Variants in ROR1 observed in about 807,000 individuals in gnomAD.
ROR1 encodes the protein inactive tyrosine-protein kinase transmembrane receptor ROR1.
A neutral mutation model predicts 78.8 loss-of-function variants in ROR1; 19 were observed. That is an observed-to-expected ratio of 0.24 (90% CI 0.17 to 0.35). ROR1 has a LOEUF of 0.35. Ranked by LOEUF, ROR1 falls within the 10% of genes least tolerant of loss-of-function variation. ROR1 has a pLI of 1.00. For synonymous variants in ROR1, 386 were observed against 433.6 expected (o/e 0.89, Z 1.36); for missense variants, 917 against 1,177.8 (o/e 0.78, Z 3.24).
intron 1 of ROR1, among the ~76,000 whole-genome samples, chr1:63,816,811 G>C (rs988349534): frequency 1.1e-4 from 16 of 152,132 alleles, no homozygotes; most frequent in South Asian, 2.1e-4. Flanking sequence ...TGTTTTATGG[G>C]CTTTTTGTAA....
intron 1 of ROR1, among the ~76,000 whole-genome samples, chr1:63,847,342 C>T (rs144812341): frequency 3.9e-5 from 6 of 152,290 alleles, no homozygotes; most frequent in African/African-American, 9.6e-5. Context: ...CTACTTCTAT[C>T]GTAGCAGTTC....
intron 2 of ROR1, among the ~76,000 whole-genome samples, chr1:64,037,927 C>T (rs1646715964): frequency 6.6e-6 from 1 of 152,036 alleles, no homozygotes; most frequent in African/African-American, 2.4e-5. Context: ...CAGCCTTGCT[C>T]TCCATCAAGG....
intron 4 of ROR1, chr1:64,110,525 ATCTT>A: frequency 6.6e-6 from 1 of 152,168 alleles, no homozygotes; most frequent in African/African-American, 2.4e-5. Flanking sequence ...TCCCATCCTC[ATCTT>A]TCTTCTGCTT....
intron 1 of ROR1, among the ~76,000 whole-genome samples, chr1:63,929,264 T>C (rs1273707089): frequency 6.6e-6 from 1 of 152,212 alleles, no homozygotes; most frequent in East Asian, 1.9e-4. Context: ...TCATGATTCC[T>C]GACCTTGGGG....
intron 4 of ROR1, among the ~76,000 whole-genome samples, chr1:64,133,082 A>T (rs1001402634): frequency 3.9e-5 from 6 of 152,146 alleles, no homozygotes; most frequent in Non-Finnish European, 7.4e-5. Context: ...TGATGAAAGT[A>T]CTGGGAATGG....
At chr1:63,969,293 C>G (rs779194276) in intron 1 of ROR1, among the ~76,000 whole-genome samples, 2 of 152,152 alleles carry the variant, frequency 1.3e-5, no homozygotes, top group Non-Finnish European at 2.9e-5. Flanking sequence ...CTCTTGTTTT[C>G]TTTGTCTTTT....
At chr1:63,818,279 G>GAT (rs1256432362) in intron 1 of ROR1, among the ~76,000 whole-genome samples, 23 of 152,282 alleles carry the variant, frequency 1.5e-4, no homozygotes, top group African/African-American at 4.8e-4. Context: ...ATTTCTAGGG[G>GAT]CTTCTTACCA....
intron 2 of ROR1, among the ~76,000 whole-genome samples, chr1:64,045,887 C>T (rs1200165136): frequency 6.6e-6 from 1 of 152,162 alleles, no homozygotes; most frequent in African/African-American, 2.4e-5. Context: ...TACCCTACCT[C>T]CCACTTACCA....
intron 4 of ROR1, among the ~76,000 whole-genome samples, chr1:64,125,187 C>A (rs947249598): frequency 6.6e-6 from 1 of 152,166 alleles, no homozygotes; most frequent in Non-Finnish European, 1.5e-5. Context: ...GGTTTTAAGG[C>A]GGGCTTTGGC....
At chr1:63,967,830 T>C (rs1447100621) in intron 1 of ROR1, among the ~76,000 whole-genome samples, 1 of 152,210 alleles carries the variant, frequency 6.6e-6, no homozygotes, top group African/African-American at 2.4e-5. Context: ...TGAAACTTGA[T>C]GTCACCTTGG....
At chr1:63,942,960 C>T (rs538869306) in intron 1 of ROR1, among the ~76,000 whole-genome samples, 28 of 151,732 alleles carry the variant, frequency 1.8e-4, no homozygotes, top group Non-Finnish European at 2.6e-4. Flanking sequence ...CATGGTGGAG[C>T]GTGACGATTG....
intron 1 of ROR1, among the ~76,000 whole-genome samples, chr1:63,913,702 T>C (rs1485478884): frequency 6.6e-6 from 1 of 152,188 alleles, no homozygotes; most frequent in Admixed American, 6.5e-5. Context: ...GATTCTGTCA[T>C]CACCTCCCTT....
At chr1:63,781,526 A>G (rs557946062) in intron 1 of ROR1, among the ~76,000 whole-genome samples, 2 of 152,240 alleles carry the variant, frequency 1.3e-5, no homozygotes, top group Non-Finnish European at 2.9e-5. Flanking sequence ...GTGGTACCAC[A>G]GGCAACTATC....
intron 1 of ROR1, among the ~76,000 whole-genome samples, chr1:63,791,372 A>G (rs375657885): frequency 3.0e-4 from 45 of 152,226 alleles, no homozygotes; most frequent in African/African-American, 8.9e-4. Flanking sequence ...GGAAAAAAAT[A>G]TGTCTGGGAG....
At chr1:64,083,025 C>T (rs1647116905) in intron 4 of ROR1, among the ~76,000 whole-genome samples, 1 of 152,152 alleles carries the variant, frequency 6.6e-6, no homozygotes. Flanking sequence ...TTCTTGAAAG[C>T]AATCAGGATT....
chr1:64,053,091 G>A (rs575812909), intron 4 of ROR1, among the ~76,000 whole-genome samples: 60 of 152,278 alleles, frequency 3.9e-4, no homozygotes, highest in African/African-American at 1.4e-3. Flanking sequence ...TCTAAAGGTT[G>A]TTTGTCAAAT....
intron 1 of ROR1, among the ~76,000 whole-genome samples, chr1:63,969,720 T>C (rs1467018076): frequency 1.3e-5 from 2 of 152,116 alleles, no homozygotes; most frequent in Admixed American, 6.5e-5. Flanking sequence ...CCCTCCCGTG[T>C]TGATCTCATT....
chr1:63,986,854 C>G (rs1646257042), intron 1 of ROR1, among the ~76,000 whole-genome samples: 1 of 150,870 alleles, frequency 6.6e-6, no homozygotes. Flanking sequence ...CCATATTTGA[C>G]TCACTCCAGC....
chr1:64,075,318 G>A (rs114237463), intron 4 of ROR1, among the ~76,000 whole-genome samples: 2,860 of 152,252 alleles, frequency 0.019, 103 homozygotes, highest in African/African-American at 0.066. Context: ...CTAATATAGA[G>A]GGGGTTAAGA....
Sources: allele counts gnomAD v4.1 joint callset (sites outside exome capture counted in the v4.1 genomes callset), GRCh38; gene constraint gnomAD v4.1.1; transcripts MANE v1.5; gene names NCBI Gene and HGNC (gene_info 2026-07-23, HGNC 2026-07-21).